FER: variants seen among roughly 807,000 people sequenced by gnomAD.
FER encodes the protein tyrosine-protein kinase Fer.
Under a neutral mutation model 111.0 loss-of-function variants are expected in FER, and 63 were observed. The ratio of observed to expected loss-of-function variants is 0.57; its 90% confidence interval spans 0.46 to 0.70. The LOEUF (loss-of-function observed/expected upper bound fraction) is 0.70. FER is among the 30% of genes least tolerant of loss of function. The pLI, the probability that FER is intolerant of heterozygous loss-of-function variation, is 0.00. For missense variants in FER, 914 were observed against 954.0 expected, an observed-to-expected ratio of 0.96 and a Z score of 0.55; for synonymous variants, 327 against 313.9, an observed-to-expected ratio of 1.04 and a Z score of -0.44.
chr5:109,191,239 C>T lies in FER; in HGVS notation c.*3664C>T, dbSNP rs2126905270. Reference sequence around the variant, plus strand: ...CACAGTTTTTCAGGGTTCTTTCAGTCACACCACTTTATAATTAATTCTGGT... The same window carrying T: ...CACAGTTTTTCAGGGTTCTTTCAGTTACACCACTTTATAATTAATTCTGGT... On this transcript the variant is annotated 3_prime_UTR_variant, in exon 20 of 20. Coordinates refer to ENST00000281092, the MANE Select transcript of FER (RefSeq NM_005246.4). 1 of 152,246 alleles carries T rather than the reference C, an allele frequency of 6.6e-6. No individual in the cohort carries two copies. Among genetic ancestry groups the T allele is most frequent in the South Asian group, 2.1e-4 (1 of 4,830 alleles). 9.4% of individuals were successfully genotyped at this position (152,246 alleles called of 1,614,324 possible).
intron 2 of FER, among the ~76,000 whole-genome samples, chr5:108,777,513 CATGTATGCACCATTATAGCATCATAGAGG>C: frequency 6.6e-6 from 1 of 152,140 alleles, no homozygotes; most frequent in Middle Eastern, 3.2e-3. Context: ...TATACAGTGA[CATGTATGCACCATTATAGCATCATAGAGG>C]GTAGTTTCAC....
chr5:108,866,420 C>T lies in FER; in HGVS notation c.482-1347C>T, dbSNP rs541526003. On this transcript the variant is annotated intron_variant, in intron 5 of 19. Coordinates refer to ENST00000281092, the MANE Select transcript of FER (RefSeq NM_005246.4). ...TGGACACAGGAAGGGGAACATTACA[C>T]ACCAAGGACTGTTGTGGGATGGGGG... Among the ~76,000 whole-genome samples the T allele has an allele frequency of 1.9e-4, 29 of 152,182 alleles. 1 individual carries two copies. In the South Asian group the frequency reaches 5.6e-3, roughly 29 times the overall value.
chr5:109,023,331 T>A (rs1768194540), intron 13 of FER, among the ~76,000 whole-genome samples: 1 of 152,062 alleles, frequency 6.6e-6, no homozygotes, highest in African/African-American at 2.4e-5. Flanking sequence ...AAACACAGTT[T>A]TTTAGGGAGA....
chr5:108,944,432 CA>C (rs1371245419), intron 10 of FER, among the ~76,000 whole-genome samples: 1 of 152,084 alleles, frequency 6.6e-6, no homozygotes, highest in East Asian at 1.9e-4. Context: ...TGTATCTTGC[CA>C]TTACTTGAGG....
At chr5:108,917,198 A>G (rs1752383196) in intron 10 of FER, among the ~76,000 whole-genome samples, 1 of 152,168 alleles carries the variant, frequency 6.6e-6, no homozygotes, top group Non-Finnish European at 1.5e-5. Flanking sequence ...AACAGAAATT[A>G]ATACCTATGT....
intron 12 of FER, among the ~76,000 whole-genome samples, chr5:108,958,241 G>A (rs1362958918): frequency 6.6e-6 from 1 of 151,704 alleles, no homozygotes; most frequent in Non-Finnish European, 1.5e-5. Flanking sequence ...AGCTGGGAAA[G>A]TAATCTTCCA....
intron 2 of FER, chr5:108,785,560 A>G: frequency 3.9e-6 from 2 of 509,154 alleles, no homozygotes; most frequent in South Asian, 3.1e-5. Flanking sequence ...CTAGAAGTTT[A>G]TGGCAGAGCT....
intron 3 of FER, chr5:108,820,186 G>T (rs1220282324): frequency 2.0e-6 from 2 of 985,270 alleles, no homozygotes; most frequent in African/African-American, 3.5e-5. Context: ...ACTAGAGCTG[G>T]ATCAACAAAG....
intron 18 of FER, among the ~76,000 whole-genome samples, chr5:109,181,676 G>A (rs1758306829): frequency 6.6e-6 from 1 of 152,022 alleles, no homozygotes; most frequent in Non-Finnish European, 1.5e-5. Context: ...CCTCATTATG[G>A]AAACTAATTT....
intron 1 of FER, among the ~76,000 whole-genome samples, chr5:108,749,227 C>T (rs1443221980): frequency 2.0e-5 from 3 of 152,178 alleles, no homozygotes; most frequent in Admixed American, 2.0e-4. Flanking sequence ...CATCCTCCCG[C>T]CCGCAGCAGA....
intron 10 of FER, among the ~76,000 whole-genome samples, chr5:108,916,745 C>CT (rs547578188): frequency 6.6e-6 from 1 of 152,084 alleles, no homozygotes; most frequent in Admixed American, 6.6e-5. Context: ...CCAGAAAACT[C>CT]TATCATGTTC....
At chr5:108,914,582 A>T (rs1007634517) in intron 10 of FER, among the ~76,000 whole-genome samples, 1 of 152,214 alleles carries the variant, frequency 6.6e-6, no homozygotes, top group Non-Finnish European at 1.5e-5. Flanking sequence ...GAGAAGTAGC[A>T]TGTTAAGCAT....
intron 2 of FER, among the ~76,000 whole-genome samples, chr5:108,789,372 A>G (rs1389502520): frequency 6.7e-6 from 1 of 150,314 alleles, no homozygotes; most frequent in Admixed American, 6.6e-5. Flanking sequence ...ACTGTATCTC[A>G]TACTCACTTT....
chr5:108,841,871 A>G, intron 5 of FER: 1 of 413,218 alleles, frequency 2.4e-6, no homozygotes, highest in Non-Finnish European at 4.8e-6. Flanking sequence ...ATTATGTTGT[A>G]AGTACCTGGG....
At chr5:109,053,297 C>T (rs1315702885) in intron 16 of FER, among the ~76,000 whole-genome samples, 12 of 150,076 alleles carry the variant, frequency 8.0e-5, no homozygotes, top group Admixed American at 1.3e-4. Flanking sequence ...GGAGGAGAAT[C>T]GCTTGAACCC....
intron 11 of FER, among the ~76,000 whole-genome samples, chr5:108,952,413 A>G (rs1757884936): frequency 7.2e-6 from 1 of 139,364 alleles, no homozygotes. Context: ...CTTCTAGAGA[A>G]GTCTTTGAAA....
chr5:108,998,164 C>A (rs1764241702), intron 13 of FER, among the ~76,000 whole-genome samples: 1 of 147,860 alleles, frequency 6.8e-6, no homozygotes, highest in Non-Finnish European at 1.5e-5. Context: ...TGCTGGCGTT[C>A]CAGGCACCAC....
intron 3 of FER, among the ~76,000 whole-genome samples, chr5:108,822,745 T>TTTA (rs994635128): frequency 7.1e-6 from 1 of 141,248 alleles, no homozygotes; most frequent in Non-Finnish European, 1.5e-5. Context: ...TTTATTTTAT[T>TTTA]TTATTTTATT....
intron 10 of FER, among the ~76,000 whole-genome samples, chr5:108,912,487 A>G (rs761797536): frequency 6.6e-6 from 1 of 152,014 alleles, no homozygotes; most frequent in Non-Finnish European, 1.5e-5. Flanking sequence ...TCAGCCTCTC[A>G]AGTAGCTGGG....
Sources: gnomAD v4.1 joint callset for allele counts (sites outside exome capture counted in the v4.1 genomes callset) on GRCh38, gnomAD v4.1.1 for gene constraint, MANE v1.5 for transcripts, NCBI Gene and HGNC (gene_info 2026-07-23, HGNC 2026-07-21) for gene names.